Variants in CDH4 observed in about 807,000 individuals in gnomAD.
The protein encoded by CDH4 is cadherin 4, also known as cadherin-4.
In CDH4, 33 loss-of-function variants were observed where a neutral mutation model predicts 86.0. The observed-to-expected ratio is 0.38, with a 90% confidence interval of 0.29 to 0.51. The LOEUF is 0.51. Among genes scored for constraint, CDH4 ranks in the 20% least tolerant of loss-of-function variants. The pLI is 0.86. For missense variants in CDH4, 1,114 were observed against 1,307.4 expected (o/e 0.85, Z 2.28); for synonymous variants, 555 against 549.4 (o/e 1.01, Z -0.14).
In CDH4 at chr20:61,928,297, A is replaced by G; in HGVS notation, c.1879A>G (p.Asn627Asp). 3.7e-6 allele frequency: 6 copies of G among 1,610,668 alleles called. No homozygotes were observed. Among genetic ancestry groups the G allele is most frequent in the Non-Finnish European group, 5.1e-6 (6 of 1,179,976 alleles). The change falls in exon 12 of 16, where the codon AAC becomes GAC. Residue 627 changes from asparagine to aspartate, a missense_variant. Asn to Asp is a conservative substitution (Grantham distance 23, BLOSUM62 1). Coordinates refer to ENST00000614565, the MANE Select transcript of CDH4 (RefSeq NM_001794.5). ...PKEAQICEKP[N>D]LNAINITAAD... Reference sequence around the variant, plus strand: ...GGAGGCGCAGATCTGCGAGAAGCCCAACCTGAACGCCATCAACATCACGGC... The same window carrying G: ...GGAGGCGCAGATCTGCGAGAAGCCCGACCTGAACGCCATCAACATCACGGC...
chr20:61,326,722 C>G (rs1228475404), intron 2 of CDH4, among the ~76,000 whole-genome samples: 2 of 152,108 alleles, frequency 1.3e-5, no homozygotes, highest in African/African-American at 4.8e-5. Context: ...GACACAGCCT[C>G]TCCCACACCA....
chr20:61,434,706 C>G (rs6089613), intron 2 of CDH4: 6 of 152,046 alleles, frequency 3.9e-5, no homozygotes, highest in Non-Finnish European at 2.9e-5. Context: ...CCACCTCCTC[C>G]GCTGTCACAC....
intron 2 of CDH4, among the ~76,000 whole-genome samples, chr20:61,404,222 T>C (rs1340829895): frequency 2.0e-5 from 3 of 152,082 alleles, no homozygotes; most frequent in East Asian, 3.9e-4. Context: ...TTCTCCTTGC[T>C]AAGGACAAGA....
intron 7 of CDH4, among the ~76,000 whole-genome samples, chr20:61,887,445 A>G (rs1302127850): frequency 1.3e-5 from 2 of 152,226 alleles, no homozygotes; most frequent in Non-Finnish European, 2.9e-5. Flanking sequence ...TTACATGCAT[A>G]CAGAGGTGCA....
intron 3 of CDH4, among the ~76,000 whole-genome samples, chr20:61,771,273 G>C (rs1249546839): frequency 1.3e-5 from 2 of 151,510 alleles, no homozygotes; most frequent in Non-Finnish European, 1.5e-5. Context: ...ACCTCCCAAA[G>C]TGCTGGGATT....
At chr20:61,858,433 CTA>C (rs975666365) in intron 6 of CDH4, among the ~76,000 whole-genome samples, 33 of 148,844 alleles carry the variant, frequency 2.2e-4, no homozygotes, top group Admixed American at 7.4e-4. Flanking sequence ...GTGTCTGTGT[CTA>C]TGTGTGTCTC....
At position 61,829,299 on chromosome 20, in the gene CDH4, T is replaced by A. The variant is rs1345615708; in HGVS notation, c.577-15369T>A. ...CCGGCTTCTTTCGCTGAGCATAATGTTTTCAAGGTTCAGCCATGCTGCAGC... is the reference window on the plus strand; with the variant it reads ...CCGGCTTCTTTCGCTGAGCATAATGATTTCAAGGTTCAGCCATGCTGCAGC... On this transcript the variant is annotated intron_variant, in intron 4 of 15. Transcript: ENST00000614565. This position sits in a 1 kb window ranked among gnomAD's most constrained non-coding sequence, Gnocchi z 4.2. 6.6e-6 allele frequency among the ~76,000 whole-genome samples: 1 copy of A among 152,228 alleles called. No homozygotes were observed. Among genetic ancestry groups the A allele is most frequent in the African/African-American group, 2.4e-5 (1 of 41,454 alleles).
At chr20:61,466,064 G>A (rs2427119) in intron 2 of CDH4, among the ~76,000 whole-genome samples, 52,431 of 151,964 alleles carry the variant, frequency 0.35, 11,063 homozygotes, top group Admixed American at 0.49. Flanking sequence ...AGCTCACCAC[G>A]TGGATTGCAT....
At chr20:61,766,948 G>A (rs1033136722) in intron 3 of CDH4, among the ~76,000 whole-genome samples, 1 of 152,248 alleles carries the variant, frequency 6.6e-6, no homozygotes, top group African/African-American at 2.4e-5. Context: ...CACCAATCGT[G>A]GGCCCTGTGG....
chr20:61,565,331 A>G (rs111271735), intron 2 of CDH4, among the ~76,000 whole-genome samples: 367 of 16,374 alleles, frequency 0.022, 64 homozygotes, highest in Middle Eastern at 0.083. Flanking sequence ...GCTCTTGGTG[A>G]TGGTGGTAGT....
At chr20:61,756,834 C>T (rs970240069) in intron 3 of CDH4, among the ~76,000 whole-genome samples, 1 of 152,150 alleles carries the variant, frequency 6.6e-6, no homozygotes, top group Non-Finnish European at 1.5e-5. Context: ...CAGGGCTCTC[C>T]ACATGAGCTG....
chr20:61,903,560 G>C (rs1244345794), intron 8 of CDH4, among the ~76,000 whole-genome samples: 1 of 45,742 alleles, frequency 2.2e-5, no homozygotes, highest in Non-Finnish European at 5.1e-5. Flanking sequence ...AAAAAAAAAA[G>C]TGTAAATGTA....
intron 2 of CDH4, among the ~76,000 whole-genome samples, chr20:61,390,616 C>G (rs1320089159): frequency 6.6e-6 from 1 of 151,658 alleles, no homozygotes; most frequent in African/African-American, 2.4e-5. Context: ...CTGGGAAACC[C>G]CAATTGAGAT....
chr20:61,474,361 GA>G (rs2145571808), intron 2 of CDH4, among the ~76,000 whole-genome samples: 1 of 144,362 alleles, frequency 6.9e-6, no homozygotes, highest in South Asian at 2.2e-4. Context: ...TTTTAGCAGA[GA>G]TGGGGTTTCA....
chr20:61,543,715 A>C (rs1317737376), intron 2 of CDH4, among the ~76,000 whole-genome samples: 1 of 152,204 alleles, frequency 6.6e-6, no homozygotes, highest in Non-Finnish European at 1.5e-5. Flanking sequence ...AGACTCGTGA[A>C]TGGCAGCTGT....
intron 2 of CDH4, among the ~76,000 whole-genome samples, chr20:61,655,194 A>G (rs1288176717): frequency 6.6e-6 from 1 of 152,238 alleles, no homozygotes; most frequent in Non-Finnish European, 1.5e-5. Flanking sequence ...TGTATTTCAC[A>G]TGGGAAAACG....
chr20:61,365,200 G>T (rs1250339523), intron 2 of CDH4, among the ~76,000 whole-genome samples: 11 of 152,130 alleles, frequency 7.2e-5, no homozygotes, highest in Admixed American at 7.2e-4. Flanking sequence ...GGCAGAAATG[G>T]TTTCCATGTT....
At chr20:61,765,147 G>A (rs980637979) in intron 3 of CDH4, among the ~76,000 whole-genome samples, 1 of 152,070 alleles carries the variant, frequency 6.6e-6, no homozygotes, top group Non-Finnish European at 1.5e-5. Flanking sequence ...CTCAGCACTG[G>A]GCAGGTAGGC....
intron 4 of CDH4, among the ~76,000 whole-genome samples, chr20:61,828,828 A>G (rs1361225213): frequency 6.6e-6 from 1 of 152,220 alleles, no homozygotes; most frequent in Non-Finnish European, 1.5e-5. Flanking sequence ...AGCAGTCCCT[A>G]ACCTTTTTGG....
Sources: allele counts gnomAD v4.1 joint callset (sites outside exome capture counted in the v4.1 genomes callset), GRCh38; gene constraint gnomAD v4.1.1; non-coding constraint Gnocchi (gnomAD v3.1); transcripts MANE v1.5; gene names NCBI Gene and HGNC (gene_info 2026-07-23, HGNC 2026-07-21).